The following COBL variants were observed in gnomAD, a reference collection of about 807,000 sequenced individuals.
COBL encodes cordon-bleu WH2 repeat protein, also known as protein cordon-bleu.
A neutral mutation model predicts 98.8 loss-of-function variants in COBL; 51 were observed. That is an observed-to-expected ratio of 0.52 (90% CI 0.41 to 0.65). The LOEUF (loss-of-function observed/expected upper bound fraction) is 0.65. Ranked by LOEUF, COBL falls within the 30% of genes least tolerant of loss-of-function variation. The pLI is 0.00. For missense variants in COBL, 1,617 were observed against 1,617.5 expected, an observed-to-expected ratio of 1.00 and a Z score of 0.01; for synonymous variants, 634 against 651.7, an observed-to-expected ratio of 0.97 and a Z score of 0.41.
intron 1 of COBL, among the ~76,000 whole-genome samples, chr7:51,278,379 CTTTTTT>C (rs10649607): frequency 8.4e-6 from 1 of 119,520 alleles, no homozygotes; most frequent in South Asian, 2.8e-4. Context: ...TAGACAGGAT[CTTTTTT>C]TTTTTTTTTT....
chr7:51,096,798 A>C (rs1253692871), intron 6 of COBL, among the ~76,000 whole-genome samples: 1 of 152,194 alleles, frequency 6.6e-6, no homozygotes, highest in Admixed American at 6.5e-5. Context: ...AGTTATAAAG[A>C]AACAAAAATT....
intron 1 of COBL, among the ~76,000 whole-genome samples, chr7:51,271,257 A>C (rs1798732577): frequency 6.6e-6 from 1 of 152,244 alleles, no homozygotes; most frequent in African/African-American, 2.4e-5. Context: ...ATAAAGCAGG[A>C]AAGCTTGCAG....
intron 5 of COBL, among the ~76,000 whole-genome samples, chr7:51,167,887 C>G (rs1562988223): frequency 2.6e-5 from 4 of 152,132 alleles, no homozygotes; most frequent in Admixed American, 2.6e-4. Context: ...TAGACTCCTA[C>G]CTCTTGCCAT....
intron 1 of COBL, among the ~76,000 whole-genome samples, chr7:51,315,874 G>C (rs1440992754): frequency 2.0e-5 from 3 of 152,204 alleles, no homozygotes; most frequent in African/African-American, 7.2e-5. Context: ...GAGAGGTTTG[G>C]GCAAAAGCGG....
At chr7:51,092,150 G>C (rs547875797) in intron 6 of COBL, among the ~76,000 whole-genome samples, 25 of 152,316 alleles carry the variant, frequency 1.6e-4, no homozygotes, top group African/African-American at 5.8e-4. Flanking sequence ...ATGGGATCTA[G>C]ATTGTGCACT....
At chr7:51,065,201 T>C in intron 7 of COBL, 2 of 702,812 alleles carry the variant, frequency 2.8e-6, no homozygotes, top group South Asian at 3.0e-5. Flanking sequence ...CAAGATGGGT[T>C]GTGTGTGTGT....
chr7:51,174,707 AACCAGTG>A (rs1405937211), intron 5 of COBL, among the ~76,000 whole-genome samples: 1 of 152,128 alleles, frequency 6.6e-6, no homozygotes, highest in Non-Finnish European at 1.5e-5. Context: ...CATCTCTGTA[AACCAGTG>A]ACAATTCCTG....
intron 1 of COBL, among the ~76,000 whole-genome samples, chr7:51,295,238 A>G (rs1467655791): frequency 2.0e-5 from 3 of 151,364 alleles, no homozygotes; most frequent in Non-Finnish European, 4.4e-5. Flanking sequence ...GTGAGCTGAT[A>G]TCGCACCACT....
At chr7:51,117,580 G>T (rs1435291011) in intron 6 of COBL, among the ~76,000 whole-genome samples, 1 of 151,938 alleles carries the variant, frequency 6.6e-6, no homozygotes, top group African/African-American at 2.4e-5. Context: ...AACCATATGA[G>T]ATTTTTTCTT....
intron 5 of COBL, among the ~76,000 whole-genome samples, chr7:51,149,442 T>C (rs1179059682): frequency 6.6e-6 from 1 of 152,216 alleles, no homozygotes; most frequent in Non-Finnish European, 1.5e-5. Flanking sequence ...TACAATTTTA[T>C]CTCCCACTTT....
chr7:51,111,114 T>C (rs1223760864), intron 6 of COBL, among the ~76,000 whole-genome samples: 1 of 152,220 alleles, frequency 6.6e-6, no homozygotes, highest in East Asian at 1.9e-4. Context: ...TGATACCATA[T>C]CTTGACTACT....
At position 51,146,394 on chromosome 7, in the gene COBL, C is replaced by T. The variant is rs573448662; in HGVS notation, c.784-10063G>A. ...ACATCCCCATGACTGCAGGGAGGGG[C>T]TGCCAGGCATACTCATCTCAAGGTC... is the stretch of plus-strand genomic sequence containing the variant. On this transcript the variant is annotated intron_variant, in intron 5 of 12. Coordinates refer to ENST00000265136, the MANE Select transcript of COBL (RefSeq NM_015198.5). 5.9e-5 allele frequency among the ~76,000 whole-genome samples: 9 copies of T among 152,286 alleles called. No homozygotes were observed. The East Asian group carries it at 1.7e-3, about 29-fold the overall frequency.
At chr7:51,311,382 C>T (rs1238348455) in intron 1 of COBL, among the ~76,000 whole-genome samples, 1 of 152,178 alleles carries the variant, frequency 6.6e-6, no homozygotes, top group Non-Finnish European at 1.5e-5. Context: ...CTGAGATAGG[C>T]AGCAGAAAAT....
intron 7 of COBL, among the ~76,000 whole-genome samples, chr7:51,061,982 C>CACACACACACACACTT (rs1554364722): frequency 5.8e-5 from 8 of 138,710 alleles, no homozygotes; most frequent in African/African-American, 2.0e-4. Flanking sequence ...CACACACACA[C>CACACACACACACACTT]TCATAAATAT....
chr7:51,135,851 G>A (rs555988180), intron 6 of COBL, among the ~76,000 whole-genome samples: 2 of 152,320 alleles, frequency 1.3e-5, no homozygotes, highest in Admixed American at 6.5e-5. Flanking sequence ...TCAGTCCAGG[G>A]AAGAAGACTG....
chr7:51,030,801 G>C lies in COBL; in HGVS notation c.1504+11C>G. The C allele has an allele frequency of 6.4e-7, 1 of 1,563,218 alleles. No homozygotes were observed. Among genetic ancestry groups the C allele is most frequent in the Non-Finnish European group, 8.8e-7 (1 of 1,134,894 alleles). ...GCATAATATCAGAGTAGCGGATCAG[G>C]TGGTTCTTACCTTCCAGGTCTTCAT... On this transcript the variant is annotated intron_variant, in intron 9 of 12. Coordinates refer to ENST00000265136, the MANE Select transcript of COBL (RefSeq NM_015198.5).
At chr7:51,026,424 G>C (rs889617063) in intron 11 of COBL, 122 bp downstream of exon 11, 1 of 1,345,974 alleles carries the variant, frequency 7.4e-7, no homozygotes, top group African/African-American at 1.5e-5. Flanking sequence ...CCACTCTAAA[G>C]ACAGATGGTT....
chr7:51,234,886 G>C (rs1174567697), intron 1 of COBL, among the ~76,000 whole-genome samples: 1 of 152,118 alleles, frequency 6.6e-6, no homozygotes, highest in Admixed American at 6.5e-5. Flanking sequence ...TTTGGAAAGA[G>C]AGAGACAGAG....
chr7:51,290,213 G>C (rs1800761033), intron 1 of COBL, among the ~76,000 whole-genome samples: 1 of 152,116 alleles, frequency 6.6e-6, no homozygotes, highest in South Asian at 2.1e-4. Flanking sequence ...CAATAGAATG[G>C]GCAAGTCACA....
Sources: allele counts gnomAD v4.1 joint callset (sites outside exome capture counted in the v4.1 genomes callset), GRCh38; gene constraint gnomAD v4.1.1; transcripts MANE v1.5; gene names NCBI Gene and HGNC (gene_info 2026-07-23, HGNC 2026-07-21).